The following DPP10 variants were observed in gnomAD, a reference collection of about 807,000 sequenced individuals.
DPP10 encodes dipeptidyl peptidase like 10.
DPP10 carries 33 observed loss-of-function variants against 120.9 expected under a neutral mutation model. That is an observed-to-expected ratio of 0.27 (90% CI 0.21 to 0.37). The LOEUF is 0.37. DPP10 is among the 10% of genes least tolerant of loss of function. DPP10 has a pLI of 1.00. For missense variants in DPP10, 816 were observed against 942.8 expected (o/e 0.87, Z 1.76); for synonymous variants, 337 against 326.1 (o/e 1.03, Z -0.36).
chr2:115,154,892 C>A (rs1170704404), intron 1 of DPP10, among the ~76,000 whole-genome samples: 2 of 136,516 alleles, frequency 1.5e-5, no homozygotes, highest in Non-Finnish European at 3.2e-5. Context: ...TTTGCCATTA[C>A]TTTTTTTTTT....
At chr2:115,061,836 T>C (rs1033024) in intron 1 of DPP10, among the ~76,000 whole-genome samples, 22,243 of 152,120 alleles carry the variant, frequency 0.15, 1,735 homozygotes, top group African/African-American at 0.21. Flanking sequence ...TTGAAGAAGC[T>C]AAAAGACAGA....
chr2:115,100,145 A>G (rs1032601243), intron 1 of DPP10, among the ~76,000 whole-genome samples: 1 of 152,160 alleles, frequency 6.6e-6, no homozygotes, highest in African/African-American at 2.4e-5. Flanking sequence ...TATGGGAGGT[A>G]GAGAACTTGT....
intron 1 of DPP10, among the ~76,000 whole-genome samples, chr2:114,969,837 A>G (rs1699276112): frequency 6.6e-6 from 1 of 152,192 alleles, no homozygotes; most frequent in African/African-American, 2.4e-5. Context: ...AACTGTTTCA[A>G]TAGAGAAGAA....
At chr2:115,801,311 C>T (rs1685210176) in intron 19 of DPP10, among the ~76,000 whole-genome samples, 1 of 152,150 alleles carries the variant, frequency 6.6e-6, no homozygotes. Flanking sequence ...GCTGAAGTTG[C>T]TTATCAGCTT....
intron 1 of DPP10, among the ~76,000 whole-genome samples, chr2:114,848,797 T>C (rs2106478207): frequency 6.6e-6 from 1 of 152,326 alleles, no homozygotes; most frequent in East Asian, 1.9e-4. Flanking sequence ...TGATGACCTC[T>C]ATGGGAGTCT....
chr2:114,774,331 T>C (rs1262448564), intron 1 of DPP10, among the ~76,000 whole-genome samples: 2 of 151,808 alleles, frequency 1.3e-5, no homozygotes, highest in Admixed American at 6.6e-5. Context: ...CAGCAGTAAG[T>C]GGAGTCTTTG....
chr2:114,904,383 A>G (rs1693812155), intron 1 of DPP10, among the ~76,000 whole-genome samples: 1 of 152,250 alleles, frequency 6.6e-6, no homozygotes, highest in Non-Finnish European at 1.5e-5. Context: ...GGTAGAAGGT[A>G]GAACTGGCAA....
chr2:115,168,162 C>T (rs1310668028), intron 1 of DPP10, among the ~76,000 whole-genome samples: 1 of 151,970 alleles, frequency 6.6e-6, no homozygotes, highest in Non-Finnish European at 1.5e-5. Flanking sequence ...AAGACTTTTT[C>T]ACAAATTTTT....
intron 2 of DPP10, among the ~76,000 whole-genome samples, chr2:115,341,550 T>C (rs1262284517): frequency 6.6e-6 from 1 of 152,198 alleles, no homozygotes; most frequent in Non-Finnish European, 1.5e-5. Flanking sequence ...TATCCACCAT[T>C]GTAGAATCAT....
chr2:114,856,031 T>C (rs1234013660), intron 1 of DPP10, among the ~76,000 whole-genome samples: 1 of 150,810 alleles, frequency 6.6e-6, no homozygotes, highest in Non-Finnish European at 1.5e-5. Context: ...TTTTTTAAAA[T>C]TTAATAAACC....
At position 114,881,561 on chromosome 2, in the gene DPP10, G is replaced by C. The variant is rs2901150; in HGVS notation, c.61-427678G>C. ...CCTATCTATCTAAGTATCTATCTATGTATCATCTATCTATCTATCTGTCTG... is the reference window on the plus strand; with the variant it reads ...CCTATCTATCTAAGTATCTATCTATCTATCATCTATCTATCTATCTGTCTG... On this transcript the variant is annotated intron_variant, in intron 1 of 25. Transcript: ENST00000410059. Among the ~76,000 whole-genome samples the C allele has an allele frequency of 1.6e-5, 2 of 127,786 alleles. 1 individual carries two copies. Among genetic ancestry groups the C allele is most frequent in the African/African-American group, 5.7e-5 (2 of 35,200 alleles). 83.8% of individuals were successfully genotyped at this position (127,786 alleles called of 152,430 possible). A position where few individuals can be genotyped will look rare whatever the true frequency, so the allele number is the denominator to read the frequency against.
intron 1 of DPP10, among the ~76,000 whole-genome samples, chr2:115,047,786 C>A (rs1231255781): frequency 1.3e-5 from 2 of 152,022 alleles, no homozygotes; most frequent in African/African-American, 4.8e-5. Context: ...AAAAGAGAGG[C>A]TAGATTACTT....
chr2:115,579,985 C>G (rs1402207751), intron 5 of DPP10: 1 of 152,134 alleles, frequency 6.6e-6, no homozygotes, highest in Admixed American at 6.6e-5. Flanking sequence ...CACTCCACCC[C>G]CTGGCAGGCC....
intron 1 of DPP10, among the ~76,000 whole-genome samples, chr2:114,710,397 GAA>G (rs1700949947): frequency 1.3e-5 from 2 of 152,198 alleles, no homozygotes; most frequent in African/African-American, 2.4e-5. Flanking sequence ...CTTTTCAGGT[GAA>G]ACATTTCTGG....
At chr2:115,416,172 C>T (rs577443365) in intron 3 of DPP10, among the ~76,000 whole-genome samples, 1 of 152,030 alleles carries the variant, frequency 6.6e-6, no homozygotes, top group South Asian at 2.1e-4. Context: ...ATGGAATGGC[C>T]ACCCCAATGG....
intron 1 of DPP10, among the ~76,000 whole-genome samples, chr2:115,293,616 A>G (rs781188356): frequency 1.2e-4 from 18 of 152,082 alleles, no homozygotes; most frequent in Non-Finnish European, 2.4e-4. Flanking sequence ...AAATTATGTT[A>G]ACTGTTCAGA....
At chr2:115,585,863 A>G (rs2149146152) in intron 5 of DPP10, among the ~76,000 whole-genome samples, 1 of 152,158 alleles carries the variant, frequency 6.6e-6, no homozygotes, top group African/African-American at 2.4e-5. Flanking sequence ...TTTTTTGCTT[A>G]TTTTCTATTT....
At chr2:114,588,006 C>A (rs1691146325) in intron 1 of DPP10, among the ~76,000 whole-genome samples, 1 of 152,164 alleles carries the variant, frequency 6.6e-6, no homozygotes, top group South Asian at 2.1e-4. Context: ...TTAAGTAATG[C>A]CTCTCAACAA....
At chr2:115,319,531 G>A (rs185756967) in intron 2 of DPP10, among the ~76,000 whole-genome samples, 69 of 152,196 alleles carry the variant, frequency 4.5e-4, no homozygotes, top group African/African-American at 1.6e-3. Context: ...TCTATTGTTA[G>A]GAAGGTTTTT....
Sources: gnomAD v4.1 joint callset for allele counts (sites outside exome capture counted in the v4.1 genomes callset) on GRCh38, gnomAD v4.1.1 for gene constraint, MANE v1.5 for transcripts, NCBI Gene and HGNC (gene_info 2026-07-23, HGNC 2026-07-21) for gene names.